The following PTPRG variants were observed in gnomAD, a reference collection of about 807,000 sequenced individuals.
PTPRG encodes protein tyrosine phosphatase receptor type G.
In PTPRG, 102 loss-of-function variants were observed where a neutral mutation model predicts 165.3. The observed-to-expected ratio is 0.62, with a 90% CI of 0.53 to 0.73. The LOEUF (loss-of-function observed/expected upper bound fraction) is 0.73, where lower values mean the gene tolerates loss of function less well. Among genes scored for constraint, PTPRG ranks in the 30% least tolerant of loss-of-function variants. The pLI, the probability that PTPRG is intolerant of heterozygous loss-of-function variation, is 0.00. For missense variants in PTPRG, 1,866 were observed against 1,861.4 expected (o/e 1.00, Z -0.05); for synonymous variants, 675 against 669.5 (o/e 1.01, Z -0.13).
intron 1 of PTPRG, among the ~76,000 whole-genome samples, chr3:61,577,485 C>G (rs935846092): frequency 3.3e-5 from 5 of 152,048 alleles, no homozygotes; most frequent in East Asian, 1.9e-4. Context: ...AAAATATACA[C>G]CAGATTTCAA....
intron 2 of PTPRG, chr3:61,749,512 T>A (rs1455295019): frequency 4.9e-6 from 1 of 205,558 alleles, no homozygotes; most frequent in Non-Finnish European, 9.9e-6. Flanking sequence ...CTTTTACCCT[T>A]TTGAGCTAAT....
At chr3:61,922,141 G>A (rs527815672) in intron 2 of PTPRG, among the ~76,000 whole-genome samples, 2 of 152,278 alleles carry the variant, frequency 1.3e-5, no homozygotes, top group South Asian at 4.1e-4. Flanking sequence ...TCTGCCCTGA[G>A]GATTCCTTTT....
At chr3:62,204,002 C>G (rs753391304) in intron 12 of PTPRG, 52 bp downstream of exon 12, 1 of 1,502,000 alleles carries the variant, frequency 6.7e-7, no homozygotes, top group South Asian at 1.4e-5. Context: ...AATAGTCGTA[C>G]CCTTTTTCAA....
chr3:61,673,973 T>C (rs549708722), intron 1 of PTPRG, among the ~76,000 whole-genome samples: 7 of 150,696 alleles, frequency 4.6e-5, no homozygotes, highest in South Asian at 2.1e-4. Flanking sequence ...TAAGTGGGAG[T>C]TGAACAAAGA....
chr3:62,284,134 G>A (rs148189451), intron 28 of PTPRG, among the ~76,000 whole-genome samples: 73 of 151,992 alleles, frequency 4.8e-4, no homozygotes, highest in African/African-American at 1.5e-3. Flanking sequence ...TTACTGCCCA[G>A]TTATATGACT....
chr3:62,150,565 C>G (rs1363704183), intron 6 of PTPRG, among the ~76,000 whole-genome samples: 2 of 152,144 alleles, frequency 1.3e-5, no homozygotes, highest in Non-Finnish European at 2.9e-5. Context: ...ATGCCCAATT[C>G]TTTCCACTAT....
chr3:61,812,096 T>C (rs1205411853), intron 2 of PTPRG, among the ~76,000 whole-genome samples: 3 of 152,242 alleles, frequency 2.0e-5, no homozygotes, highest in Admixed American at 1.3e-4. Context: ...TGCTAGGATA[T>C]AAACGTGTGG....
chr3:61,698,943 C>T (rs191286620), intron 1 of PTPRG, among the ~76,000 whole-genome samples: 2 of 152,124 alleles, frequency 1.3e-5, no homozygotes, highest in African/African-American at 4.8e-5. Context: ...ACTGCATGCT[C>T]TCACTCATAG....
intron 3 of PTPRG, among the ~76,000 whole-genome samples, chr3:61,992,874 C>T (rs1006400139): frequency 3.3e-5 from 5 of 152,108 alleles, no homozygotes; most frequent in Non-Finnish European, 7.3e-5. Flanking sequence ...GCCACGTTGG[C>T]CAGGCTGGTC....
At chr3:62,106,731 A>C (rs893559423) in intron 5 of PTPRG, among the ~76,000 whole-genome samples, 1 of 152,102 alleles carries the variant, frequency 6.6e-6, no homozygotes, top group African/African-American at 2.4e-5. Flanking sequence ...TGGTGAAACT[A>C]TACATACCTC....
intron 20 of PTPRG, among the ~76,000 whole-genome samples, chr3:62,269,785 C>T (rs1457053438): frequency 6.6e-6 from 1 of 152,030 alleles, no homozygotes; most frequent in African/African-American, 2.4e-5. Context: ...CAACAAATAT[C>T]CTAGATCAAT....
At chr3:62,012,519 G>C (rs2041449492) in intron 4 of PTPRG, among the ~76,000 whole-genome samples, 2 of 151,698 alleles carry the variant, frequency 1.3e-5, no homozygotes, top group South Asian at 4.1e-4. Context: ...AGGTTTCTTG[G>C]GGATAGGATT....
chr3:61,627,314 T>A (rs564058711), intron 1 of PTPRG, among the ~76,000 whole-genome samples: 5 of 152,158 alleles, frequency 3.3e-5, no homozygotes, highest in Admixed American at 6.6e-5. Flanking sequence ...AAGGTGTGAT[T>A]TGGGGTAAAA....
chr3:62,050,246 G>T lies in PTPRG; in HGVS notation c.520-27917G>T, dbSNP rs1700428965. Among the ~76,000 whole-genome samples the T allele has an allele frequency of 1.3e-5, 2 of 152,188 alleles. 1 individual carries two copies. Among genetic ancestry groups the T allele is most frequent in the South Asian group, 4.1e-4 (2 of 4,834 alleles). On this transcript the variant is annotated intron_variant, in intron 4 of 29. Transcript: ENST00000474889. ...CACATATATGACAGTGGTTTCAGAA[G>T]ATTATATTACTGTATTTTTACTGTA...
At chr3:62,023,746 G>A (rs867344530) in intron 4 of PTPRG, among the ~76,000 whole-genome samples, 4 of 152,154 alleles carry the variant, frequency 2.6e-5, no homozygotes, top group African/African-American at 9.7e-5. Context: ...AATGCGAAGA[G>A]ATTAAAACCT....
intron 1 of PTPRG, among the ~76,000 whole-genome samples, chr3:61,575,346 T>C (rs900022416): frequency 1.7e-4 from 26 of 152,110 alleles, no homozygotes; most frequent in Non-Finnish European, 2.9e-5. Context: ...GTTGAGGGAA[T>C]GAGACTTGAA....
intron 1 of PTPRG, among the ~76,000 whole-genome samples, chr3:61,699,865 A>C (rs6798876): frequency 0.13 from 19,128 of 152,192 alleles, 1,499 homozygotes; most frequent in Non-Finnish European, 0.17. Context: ...AAACTGAAAC[A>C]CTTGAAAAGC....
chr3:62,116,037 T>A (rs1275134748), intron 5 of PTPRG, among the ~76,000 whole-genome samples: 2 of 152,112 alleles, frequency 1.3e-5, no homozygotes, highest in African/African-American at 4.8e-5. Context: ...CTGTAAGAGG[T>A]TTATTGTCAG....
intron 2 of PTPRG, among the ~76,000 whole-genome samples, chr3:61,772,700 A>G (rs1462017782): frequency 2.6e-5 from 4 of 152,216 alleles, no homozygotes; most frequent in Non-Finnish European, 5.9e-5. Context: ...TGCAGTGTAG[A>G]TAGACCATAT....
Sources: gnomAD v4.1 joint callset for allele counts (sites outside exome capture counted in the v4.1 genomes callset) on GRCh38, gnomAD v4.1.1 for gene constraint, MANE v1.5 for transcripts, NCBI Gene and HGNC (gene_info 2026-07-23, HGNC 2026-07-21) for gene names.